Variants in SAMD5 observed in about 807,000 individuals in gnomAD.
SAMD5 encodes sterile alpha motif domain-containing protein 5.
A neutral mutation model predicts 11.3 loss-of-function variants in SAMD5; 13 were observed. The ratio of observed to expected loss-of-function variants is 1.15; its 90% CI spans 0.75 to 1.83. SAMD5 has a LOEUF of 1.83. Among genes scored for constraint, SAMD5 ranks in the 40% most tolerant of loss-of-function variants. SAMD5 has a pLI of 0.00. For missense variants in SAMD5, 255 were observed against 239.1 expected, an observed-to-expected ratio of 1.07 and a Z score of -0.44; for synonymous variants, 129 against 111.3, an observed-to-expected ratio of 1.16 and a Z score of -1.00.
chr6:147,711,142 TA>T lies in SAMD5; in HGVS notation c.163-26173del, dbSNP rs1791392236. 6.6e-6 allele frequency among the ~76,000 whole-genome samples: 1 copy of T among 152,108 alleles called. No individual in the cohort carries two copies. The highest frequency in any genetic ancestry group is 1.5e-5 in the Non-Finnish European group (1 of 68,008). ...TGTTGTAGAGAGAAGGAATTGGTAT[TA>T]ATGGAGAACTTATTATTTATCCTAC... On this transcript the variant is annotated intron_variant, in intron 1 of 1. Transcript: ENST00000566741. This position sits in a 1 kb window ranked among gnomAD's most constrained non-coding sequence, Gnocchi z 4.1.
At chr6:147,763,246 G>A in the SAMD5 span, among the ~76,000 whole-genome samples, 1 of 151,974 alleles carries the variant, frequency 6.6e-6, no homozygotes, top group South Asian at 2.1e-4. Flanking sequence ...TGCAACCTCC[G>A]CCTCTCGGGT....
chr6:147,932,248 G>T, the SAMD5 span, among the ~76,000 whole-genome samples: 1 of 152,116 alleles, frequency 6.6e-6, no homozygotes, highest in African/African-American at 2.4e-5. Flanking sequence ...AATATGTCAG[G>T]GTAGAGGGGA....
chr6:147,849,441 AC>A, the SAMD5 span, among the ~76,000 whole-genome samples: 2 of 151,936 alleles, frequency 1.3e-5, no homozygotes, highest in South Asian at 4.1e-4. Context: ...AGAAATACGT[AC>A]TTTTTTTCTC....
the SAMD5 span, among the ~76,000 whole-genome samples, chr6:147,888,687 A>C: frequency 6.6e-6 from 1 of 152,154 alleles, no homozygotes; most frequent in Non-Finnish European, 1.5e-5. Context: ...GTTCGAGACC[A>C]GCCTGACCAA....
At chr6:147,604,371 G>A (rs1050838879) in intron 1 of SAMD5, among the ~76,000 whole-genome samples, 1 of 152,126 alleles carries the variant, frequency 6.6e-6, no homozygotes, top group East Asian at 1.9e-4. Context: ...CATGTTCTCC[G>A]GTTGGAATGA....
chr6:147,895,146 C>G, the SAMD5 span, among the ~76,000 whole-genome samples: 2 of 152,208 alleles, frequency 1.3e-5, no homozygotes, highest in Non-Finnish European at 2.9e-5. Flanking sequence ...CAGGCCAGCT[C>G]TAAGCACTGG....
At chr6:147,561,350 GCTAATTTTT>G (rs1788947030) in intron 1 of SAMD5, among the ~76,000 whole-genome samples, 1 of 152,114 alleles carries the variant, frequency 6.6e-6, no homozygotes, top group Admixed American at 6.5e-5. Context: ...ACCACGCCCA[GCTAATTTTT>G]GTATTTTTAG....
At chr6:147,788,977 G>A in the SAMD5 span, among the ~76,000 whole-genome samples, 72 of 151,884 alleles carry the variant, frequency 4.7e-4, 1 homozygote, top group African/African-American at 1.2e-3. Context: ...CCAGCTACTC[G>A]GGAGGCTGAT....
chr6:147,758,994 C>G, the SAMD5 span, among the ~76,000 whole-genome samples: 70 of 152,094 alleles, frequency 4.6e-4, 2 homozygotes, highest in Admixed American at 1.3e-4. Flanking sequence ...AAAACCTAAA[C>G]AAACAACAAA....
At chr6:147,768,184 T>C in the SAMD5 span, among the ~76,000 whole-genome samples, 1 of 152,258 alleles carries the variant, frequency 6.6e-6, no homozygotes, top group East Asian at 1.9e-4. Flanking sequence ...CACTGACAAA[T>C]GTTCAAAGAA....
At chr6:147,695,072 A>C (rs1583142698) in intron 1 of SAMD5, among the ~76,000 whole-genome samples, 1 of 152,190 alleles carries the variant, frequency 6.6e-6, no homozygotes, top group African/African-American at 2.4e-5. Flanking sequence ...TCTGTCTTCT[A>C]TCTCAGGTAT....
the SAMD5 span, among the ~76,000 whole-genome samples, chr6:147,892,043 T>C: frequency 8.5e-5 from 13 of 152,330 alleles, no homozygotes; most frequent in South Asian, 2.5e-3. Flanking sequence ...ATTGCACGGC[T>C]AGCCTTAGGC....
intron 1 of SAMD5, among the ~76,000 whole-genome samples, chr6:147,720,401 T>C (rs572005827): frequency 1.3e-5 from 2 of 151,788 alleles, no homozygotes; most frequent in African/African-American, 4.8e-5. Flanking sequence ...AGGCGGAGCT[T>C]GCAGTGAGCC....
At chr6:147,692,697 C>T (rs1423520715) in intron 1 of SAMD5, among the ~76,000 whole-genome samples, 1 of 152,210 alleles carries the variant, frequency 6.6e-6, no homozygotes, top group East Asian at 1.9e-4. Flanking sequence ...CCTGTGGTCT[C>T]TACAATGCAA....
At chr6:147,931,947 A>G in the SAMD5 span, among the ~76,000 whole-genome samples, 448 of 152,310 alleles carry the variant, frequency 2.9e-3, 4 homozygotes, top group African/African-American at 0.01. Context: ...TACTTAAAGC[A>G]GTACTTTGCC....
the SAMD5 span, among the ~76,000 whole-genome samples, chr6:147,820,811 C>A: frequency 1.3e-5 from 2 of 152,112 alleles, no homozygotes; most frequent in Non-Finnish European, 2.9e-5. Context: ...AGTGTCGGAG[C>A]TGAAATTGTG....
At chr6:147,780,910 A>G in the SAMD5 span, among the ~76,000 whole-genome samples, 320 of 152,262 alleles carry the variant, frequency 2.1e-3, 1 homozygote, top group African/African-American at 7.3e-3. Flanking sequence ...CTTCATTGTT[A>G]TTCATAAAAT....
At chr6:147,663,812 AGAGAG>A (rs1790679826) in intron 1 of SAMD5, among the ~76,000 whole-genome samples, 2 of 122,192 alleles carry the variant, frequency 1.6e-5, no homozygotes, top group Non-Finnish European at 3.5e-5. Flanking sequence ...AAAAAAAAAA[AGAGAG>A]AGAAAGAAAA....
At chr6:147,933,534 T>G in the SAMD5 span, among the ~76,000 whole-genome samples, 8 of 152,186 alleles carry the variant, frequency 5.3e-5, no homozygotes, top group Non-Finnish European at 1.2e-4. Context: ...CTTTGCTGTA[T>G]AACCTCAGGC....
Sources: allele counts gnomAD v4.1 joint callset (sites outside exome capture counted in the v4.1 genomes callset), GRCh38; gene constraint gnomAD v4.1.1; non-coding constraint Gnocchi (gnomAD v3.1); transcripts MANE v1.5; gene names NCBI Gene and HGNC (gene_info 2026-07-23, HGNC 2026-07-21).